The following PNPT1 variants were observed in gnomAD, a reference collection of about 807,000 sequenced individuals.
PNPT1 encodes polyribonucleotide nucleotidyltransferase 1, mitochondrial.
A neutral mutation model predicts 119.5 loss-of-function variants in PNPT1; 53 were observed. The ratio of observed to expected loss-of-function variants is 0.44; its 90% CI spans 0.36 to 0.56. The LOEUF (loss-of-function observed/expected upper bound fraction) is 0.56, where lower values mean the gene tolerates loss of function less well. PNPT1 is among the 20% of genes least tolerant of loss of function. PNPT1 has a pLI of 0.00. For missense variants in PNPT1, 948 were observed against 938.5 expected, an observed-to-expected ratio of 1.01 and a Z score of -0.13; for synonymous variants, 357 against 322.1, an observed-to-expected ratio of 1.11 and a Z score of -1.16.
At chr2:55,659,717 T>C (rs1696502886) in intron 15 of PNPT1, among the ~76,000 whole-genome samples, 1 of 152,088 alleles carries the variant, frequency 6.6e-6, no homozygotes, top group Non-Finnish European at 1.5e-5. Context: ...TACTTATCAT[T>C]CTACACAAAG....
rs1301267245 is a variant in PNPT1, at chr2:55,635,232, C to T, written c.*1005G>A. The T allele has an allele frequency of 6.6e-6, 1 of 152,214 alleles. No individual in the cohort carries two copies. The highest frequency in any genetic ancestry group is 2.4e-5 in the African/African-American group (1 of 41,460). The allele number at this position is 152,214 out of a possible 1,614,324, so 9.4% of individuals were successfully genotyped here. Reference sequence around the variant, plus strand: ...CATCTATTAACCGAAAGTCATGATCCTTCAGCTCTTATACTAAGAACTTCC... The same window carrying T: ...CATCTATTAACCGAAAGTCATGATCTTTCAGCTCTTATACTAAGAACTTCC... On this transcript the variant is annotated 3_prime_UTR_variant, in exon 28 of 28. Transcript: ENST00000447944.
intron 5 of PNPT1, among the ~76,000 whole-genome samples, chr2:55,682,227 G>A (rs564871621): frequency 1.3e-5 from 2 of 152,296 alleles, no homozygotes; most frequent in Non-Finnish European, 2.9e-5. Context: ...GAGAGGCTGA[G>A]GCAGCGGATC....
chr2:55,667,578 T>A (rs1423457823), intron 12 of PNPT1, among the ~76,000 whole-genome samples: 2 of 132,530 alleles, frequency 1.5e-5, no homozygotes, highest in African/African-American at 6.2e-5. Flanking sequence ...AGAGCGAGAC[T>A]CTGTCTCAAA....
chr2:55,684,910 G>A, intron 4 of PNPT1, 33 bp downstream of exon 4: 1 of 1,489,620 alleles, frequency 6.7e-7, no homozygotes, highest in Non-Finnish European at 9.0e-7. Flanking sequence ...AGGCATACCA[G>A]AGAAGATGAA....
rs1381480006 is a variant in PNPT1 at position 55,679,810 on chromosome 2, A to T, written c.566-15T>A. ...TCGTACTGCCCCTAAAATGTATTAG[A>T]ATATTGGCAACTGTTTAATGGAAAT... On this transcript the variant is annotated splice_polypyrimidine_tract_variant and intron_variant, in intron 7 of 27. Coordinates refer to ENST00000447944, the MANE Select transcript of PNPT1 (RefSeq NM_033109.5). 1.3e-6 allele frequency: 2 copies of T among 1,544,030 alleles called. No homozygotes were observed. The highest frequency in any genetic ancestry group is 2.3e-5 in the South Asian group (2 of 85,758).
chr2:55,673,229 A>G, intron 8 of PNPT1, 150 bp from the exon 9 acceptor site: 1 of 583,594 alleles, frequency 1.7e-6, no homozygotes, highest in Non-Finnish European at 2.8e-6. Flanking sequence ...CAGAATCAAC[A>G]TACTTCCAAA....
chr2:55,638,968 G>A (rs375755472), intron 26 of PNPT1, among the ~76,000 whole-genome samples: 29 of 151,994 alleles, frequency 1.9e-4, no homozygotes, highest in African/African-American at 6.3e-4. Context: ...TAGACACGGG[G>A]GTTTGCCATG....
At chr2:55,685,670 A>G (rs1448632459) in intron 3 of PNPT1, among the ~76,000 whole-genome samples, 1 of 152,118 alleles carries the variant, frequency 6.6e-6, no homozygotes, top group African/African-American at 2.4e-5. Flanking sequence ...ACCCCTTTTC[A>G]TAATAGAAGG....
At chr2:55,664,931 C>T (rs1319698507) in intron 13 of PNPT1, among the ~76,000 whole-genome samples, 1 of 151,882 alleles carries the variant, frequency 6.6e-6, no homozygotes, top group Non-Finnish European at 1.5e-5. Flanking sequence ...AATTATAAAT[C>T]CTAGAAGGAT....
At chr2:55,638,695 T>A (rs1695751640) in intron 26 of PNPT1, among the ~76,000 whole-genome samples, 1 of 152,066 alleles carries the variant, frequency 6.6e-6, no homozygotes, top group Non-Finnish European at 1.5e-5. Context: ...TTCCAATGAG[T>A]ATCCCTTCAG....
intron 14 of PNPT1, among the ~76,000 whole-genome samples, chr2:55,660,906 C>G (rs1303181687): frequency 6.6e-6 from 1 of 152,078 alleles, no homozygotes; most frequent in African/African-American, 2.4e-5. Flanking sequence ...AAAACAATTA[C>G]AGTGGCTACT....
intron 11 of PNPT1, among the ~76,000 whole-genome samples, chr2:55,671,036 G>A (rs1320127739): frequency 1.3e-5 from 2 of 152,032 alleles, no homozygotes; most frequent in African/African-American, 4.8e-5. Context: ...AGTAATAGCG[G>A]TTCTGTGCAA....
At chr2:55,650,961 C>T (rs1411404223) in intron 18 of PNPT1, among the ~76,000 whole-genome samples, 67 of 147,364 alleles carry the variant, frequency 4.5e-4, no homozygotes, top group South Asian at 1.9e-3. Context: ...ATCAGCCCCC[C>T]GCCCGGCCAG....
chr2:55,653,502 T>C (rs374511664), intron 18 of PNPT1, among the ~76,000 whole-genome samples: 38 of 152,342 alleles, frequency 2.5e-4, no homozygotes, highest in African/African-American at 8.4e-4. Context: ...AGTATGAGAT[T>C]TGGAAGACTG....
chr2:55,666,856 G>C, intron 13 of PNPT1, 135 bp downstream of exon 13: 1 of 567,684 alleles, frequency 1.8e-6, no homozygotes, highest in South Asian at 2.8e-5. Context: ...AAACAAACAA[G>C]AACCGCCAGA....
rs551750608 is a variant in PNPT1, at chr2:55,661,972, C to G, written c.1231G>C (p.Val411Leu). Residue 411 changes from valine (V) to leucine (L), a missense_variant, in exon 14 of 28, where the codon GTT (valine) becomes CTT (leucine). By Grantham distance (32) the Val-to-Leu change is conservative. Transcript: ENST00000447944. ...SLESGIKSDQ[V>L]ITAINGIKDK... ...ATAACTTACTTTATAGCTGTTATAA[C>G]TTGATCTGACTTAATACCAGATTCT... 1 of 1,572,342 alleles carries G rather than the reference C, an allele frequency of 6.4e-7. No individual in the cohort carries two copies. The highest frequency in any genetic ancestry group is 1.2e-5 in the South Asian group (1 of 82,220).
In PNPT1 at chr2:55,636,344, G is replaced by C; in HGVS notation, c.2245C>G (p.Arg749Gly). The C allele has an allele frequency of 6.2e-7, 1 of 1,614,036 alleles. No individual in the cohort carries two copies. The highest frequency in any genetic ancestry group is 8.5e-7 in the Non-Finnish European group (1 of 1,179,980). ...DPADGRMRLS[R>G]KVLQSPATTV... ...GTAGCTGGCGACTGAAGCACTTTTC[G>C]AGAAAGCCTCATTCTTCCATCGGCT... The change falls in exon 28 of 28, where the codon CGA becomes GGA. Residue 749 changes from arginine (R) to glycine (G), a missense_variant. Physicochemically the swap from Arg to Gly is moderately radical, Grantham distance 125. Transcript: ENST00000447944.
intron 12 of PNPT1, 48 bp from the exon 13 acceptor site, chr2:55,667,141 AAAAT>A: frequency 7.2e-7 from 1 of 1,391,454 alleles, no homozygotes; most frequent in Non-Finnish European, 1.0e-6. Context: ...TGGAAACAGA[AAAAT>A]CACATGTCTT....
chr2:55,664,604 G>A (rs907285065), intron 13 of PNPT1, among the ~76,000 whole-genome samples: 1 of 152,018 alleles, frequency 6.6e-6, no homozygotes, highest in African/African-American at 2.4e-5. Context: ...AAAGAAGGCT[G>A]AAAGTAAAAA....
Sources: allele counts gnomAD v4.1 joint callset (sites outside exome capture counted in the v4.1 genomes callset), GRCh38; gene constraint gnomAD v4.1.1; transcripts MANE v1.5; gene names NCBI Gene and HGNC (gene_info 2026-07-23, HGNC 2026-07-21).